XPO4: variants seen among roughly 807,000 people sequenced by gnomAD.
XPO4 encodes exportin-4.
A neutral mutation model predicts 143.0 loss-of-function variants in XPO4; 39 were observed. That is an observed-to-expected ratio of 0.27 (90% CI 0.21 to 0.36). The LOEUF is 0.36. Among genes scored for constraint, XPO4 ranks in the 10% least tolerant of loss-of-function variants. The probability of loss-of-function intolerance (pLI) is 1.00; values close to 1 mark genes in which losing one functional copy is unlikely to be tolerated. For missense variants in XPO4, 907 were observed against 1,348.0 expected (o/e 0.67, Z 5.12); for synonymous variants, 439 against 474.0 (o/e 0.93, Z 0.96).
intron 9 of XPO4, among the ~76,000 whole-genome samples, chr13:20,815,723 T>C (rs1391874239): frequency 1.3e-5 from 2 of 152,226 alleles, no homozygotes; most frequent in South Asian, 4.1e-4. Flanking sequence ...GAGATGAATA[T>C]GGGCAATTCA....
chr13:20,873,595 C>G (rs7332091), intron 1 of XPO4, among the ~76,000 whole-genome samples: 151,281 of 152,310 alleles, frequency 0.99, 75,148 homozygotes, highest in East Asian at 1. Context: ...TTCCTCAAAA[C>G]AGTCAGGAAT....
chr13:20,841,735 A>C (rs1771717407), intron 6 of XPO4, among the ~76,000 whole-genome samples: 1 of 151,968 alleles, frequency 6.6e-6, no homozygotes, highest in African/African-American at 2.4e-5. Context: ...CACTCCTTTA[A>C]ATGTCATAAT....
Position 20,796,158 on chromosome 13 carries a change from T to C in XPO4, c.2715A>G (p.Glu905=). ...TGAGAAGCAGGTCTTGGTATTGCTCTTCTTCTGCTGTAACATCTATTCTTT... is the reference window on the plus strand; with the variant it reads ...TGAGAAGCAGGTCTTGGTATTGCTCCTCTTCTGCTGTAACATCTATTCTTT... ...GRQRIDVTAE[E]EQYQDLLLIM... is the part of the protein sequence containing the mutation. The change falls in exon 18 of 23, where the codon GAA becomes GAG. Residue 905 remains glutamate (E), a synonymous_variant. Transcript: ENST00000255305. 6.2e-7 allele frequency: 1 copy of C among 1,613,950 alleles called. No individual in the cohort carries two copies. The highest frequency in any genetic ancestry group is 8.5e-7 in the Non-Finnish European group (1 of 1,179,938).
At chr13:20,850,935 T>C (rs548389598) in intron 4 of XPO4, 649 of 985,288 alleles carry the variant, frequency 6.6e-4, no homozygotes, top group Non-Finnish European at 7.5e-4. Flanking sequence ...AACCCTTTCT[T>C]CATCTACAGA....
intron 1 of XPO4, among the ~76,000 whole-genome samples, chr13:20,900,729 C>T (rs1164273931): frequency 1.3e-5 from 2 of 151,424 alleles, no homozygotes; most frequent in African/African-American, 4.9e-5. Flanking sequence ...CTCCTGTCTT[C>T]GCCTCCAGAG....
intron 1 of XPO4, among the ~76,000 whole-genome samples, chr13:20,900,484 T>C (rs146961807): frequency 2.2e-4 from 34 of 152,364 alleles, no homozygotes; most frequent in African/African-American, 7.5e-4. Flanking sequence ...CAACATAGTA[T>C]GTACTCAATA....
intron 1 of XPO4, among the ~76,000 whole-genome samples, chr13:20,871,066 C>T (rs760351961): frequency 2.8e-4 from 43 of 152,172 alleles, no homozygotes; most frequent in Non-Finnish European, 5.1e-4. Context: ...CCTTGGCCTC[C>T]CAAAGTGCTA....
intron 4 of XPO4, chr13:20,852,888 C>T: frequency 1.0e-6 from 1 of 985,364 alleles, no homozygotes; most frequent in Non-Finnish European, 1.2e-6. Context: ...AAATAGCACA[C>T]TTAACCACAG....
At chr13:20,811,303 T>C (rs79487065) in intron 9 of XPO4, among the ~76,000 whole-genome samples, 1 of 151,362 alleles carries the variant, frequency 6.6e-6, no homozygotes, top group Non-Finnish European at 1.5e-5. Flanking sequence ...TTTTTTTTTT[T>C]TTGAGATGGA....
intron 2 of XPO4, among the ~76,000 whole-genome samples, chr13:20,867,087 C>G (rs2060250678): frequency 6.6e-6 from 1 of 152,190 alleles, no homozygotes; most frequent in South Asian, 2.1e-4. Flanking sequence ...TCCTTAAACT[C>G]TTTATGCCGT....
At chr13:20,902,235 C>G in intron 1 of XPO4, 2 of 985,348 alleles carry the variant, frequency 2.0e-6, no homozygotes, top group African/African-American at 3.5e-5. Context: ...ACAAGGGTTG[C>G]TAACAGCACC....
intron 18 of XPO4, among the ~76,000 whole-genome samples, chr13:20,795,408 T>A (rs988588970): frequency 6.6e-6 from 1 of 152,226 alleles, no homozygotes; most frequent in African/African-American, 2.4e-5. Flanking sequence ...AAAGACACTT[T>A]ACAGCTGATC....
At position 20,879,259 on chromosome 13, in the gene XPO4, CTATT is replaced by C. The variant is rs1255859709; in HGVS notation, c.70-10562_70-10559del. On this transcript the variant is annotated intron_variant, in intron 1 of 22. Coordinates refer to ENST00000255305, the MANE Select transcript of XPO4 (RefSeq NM_022459.5). ...CTGGGATCCTCAGCGCAAGGGTAAA[CTATT>C]TAAAAAACAAACAAAACAAACCGGA... 5.1e-6 allele frequency: 5 copies of C among 984,956 alleles called. No individual in the cohort carries two copies. The African/African-American group carries it at 8.8e-5, about 17-fold the overall frequency. The allele number at this position is 984,956 out of a possible 1,614,324, so 61.0% of individuals were successfully genotyped here.
intron 6 of XPO4, among the ~76,000 whole-genome samples, chr13:20,834,967 A>C (rs891343899): frequency 6.6e-6 from 1 of 152,126 alleles, no homozygotes; most frequent in Non-Finnish European, 1.5e-5. Flanking sequence ...CTCTATAAAT[A>C]ATAATTTTTA....
intron 1 of XPO4, among the ~76,000 whole-genome samples, chr13:20,884,711 C>T (rs2138166368): frequency 6.6e-6 from 1 of 152,030 alleles, no homozygotes; most frequent in Admixed American, 6.6e-5. Context: ...CTGCACGTGG[C>T]CAAGTATTGT....
At chr13:20,895,877 T>A (rs1007261180) in intron 1 of XPO4, among the ~76,000 whole-genome samples, 62 of 152,320 alleles carry the variant, frequency 4.1e-4, no homozygotes, top group African/African-American at 1.4e-3. Context: ...AATACCAGTA[T>A]ATTAAATCAA....
At chr13:20,793,603 G>C (rs1023589844) in intron 18 of XPO4, among the ~76,000 whole-genome samples, 1 of 152,006 alleles carries the variant, frequency 6.6e-6, no homozygotes, top group East Asian at 1.9e-4. Flanking sequence ...ACTCAGGCTG[G>C]AGTGCTGTAG....
At chr13:20,851,175 T>G (rs1384630245) in intron 4 of XPO4, 1 of 985,332 alleles carries the variant, frequency 1.0e-6, no homozygotes, top group Non-Finnish European at 1.2e-6. Flanking sequence ...GAGAGGATGA[T>G]ATAAGAAAAT....
At chr13:20,892,045 T>C (rs1340595473) in intron 1 of XPO4, among the ~76,000 whole-genome samples, 1 of 151,642 alleles carries the variant, frequency 6.6e-6, no homozygotes, top group Non-Finnish European at 1.5e-5. Context: ...TGTTTTTTTT[T>C]TTCGAGATGG....
Sources: allele counts gnomAD v4.1 joint callset (sites outside exome capture counted in the v4.1 genomes callset), GRCh38; gene constraint gnomAD v4.1.1; transcripts MANE v1.5; gene names NCBI Gene and HGNC (gene_info 2026-07-23, HGNC 2026-07-21).